The following BAZ1B variants were observed in gnomAD, a reference collection of about 807,000 sequenced individuals.
BAZ1B encodes tyrosine-protein kinase BAZ1B.
BAZ1B carries 22 observed loss-of-function variants against 153.8 expected under a neutral mutation model. That is an observed-to-expected ratio of 0.14 (90% CI 0.10 to 0.20). The LOEUF (loss-of-function observed/expected upper bound fraction) is 0.20, where lower values mean the gene tolerates loss of function less well. BAZ1B is among the 10% of genes least tolerant of loss of function. The pLI, the probability that BAZ1B is intolerant of heterozygous loss-of-function variation, is 1.00. For missense variants in BAZ1B, 1,325 were observed against 1,799.3 expected (o/e 0.74, Z 4.77); for synonymous variants, 676 against 633.4 (o/e 1.07, Z -1.01).
chr7:73,495,653 CAAGA>C (rs2116400999), intron 4 of BAZ1B, among the ~76,000 whole-genome samples: 1 of 152,138 alleles, frequency 6.6e-6, no homozygotes, highest in South Asian at 2.1e-4. Flanking sequence ...ACAATGGACA[CAAGA>C]AAGAAAATGT....
intron 9 of BAZ1B, among the ~76,000 whole-genome samples, chr7:73,468,835 G>A (rs1788690052): frequency 6.6e-6 from 1 of 152,100 alleles, no homozygotes; most frequent in South Asian, 2.1e-4. Context: ...AATTTTAAAA[G>A]TAGAAGAAGA....
At chr7:73,491,986 CTT>C (rs782649883) in intron 5 of BAZ1B, among the ~76,000 whole-genome samples, 25 of 117,224 alleles carry the variant, frequency 2.1e-4, no homozygotes, top group Middle Eastern at 5.0e-3. Context: ...CAGCAAAACG[CTT>C]TTTTTTTTTT....
intron 7 of BAZ1B, among the ~76,000 whole-genome samples, chr7:73,476,410 T>C (rs1789002323): frequency 6.6e-6 from 1 of 152,240 alleles, no homozygotes. Context: ...GATTACTATC[T>C]GAGTTGGTGA....
At chr7:73,506,965 G>A (rs1222458575) in intron 3 of BAZ1B, among the ~76,000 whole-genome samples, 11 of 126,288 alleles carry the variant, frequency 8.7e-5, no homozygotes, top group South Asian at 3.0e-4. Context: ...TGCAACCTCC[G>A]CCTCCCAGAT....
Position 73,459,073 on chromosome 7 carries a change from C to A in BAZ1B, c.3432+463G>T, listed in dbSNP as rs943101071. Among the ~76,000 whole-genome samples the A allele has an allele frequency of 4.6e-5, 7 of 151,806 alleles. No individual in the cohort carries two copies. In the South Asian group the frequency reaches 1.0e-3, roughly 23 times the overall value. On this transcript the variant is annotated intron_variant, in intron 13 of 19. Coordinates refer to ENST00000339594, the MANE Select transcript of BAZ1B (RefSeq NM_032408.4). Reference sequence around the variant, plus strand: ...ACCACTCTGGCCAACATGGTGAAACCCCGTCTCTACTAAAAAATACAAAAA... The same window carrying A: ...ACCACTCTGGCCAACATGGTGAAACACCGTCTCTACTAAAAAATACAAAAA...
intron 1 of BAZ1B, among the ~76,000 whole-genome samples, chr7:73,519,770 T>A (rs1396846173): frequency 6.6e-6 from 1 of 151,936 alleles, no homozygotes. Context: ...ATGTTTCTTA[T>A]ACTCTGCTAG....
chr7:73,472,955 T>A (rs73134935), intron 7 of BAZ1B, among the ~76,000 whole-genome samples: 8,623 of 149,932 alleles, frequency 0.058, 277 homozygotes, highest in Non-Finnish European at 0.068. Context: ...TTTTTTTTTT[T>A]AAAAAAGACA....
chr7:73,521,756 G>C (rs1791057100), intron 1 of BAZ1B, 71 bp downstream of exon 1: 1 of 1,318,564 alleles, frequency 7.6e-7, no homozygotes, highest in Non-Finnish European at 1.0e-6. Flanking sequence ...GGCTGACCTG[G>C]TCTCGCGAGC....
intron 12 of BAZ1B, among the ~76,000 whole-genome samples, chr7:73,461,598 TC>T (rs1788399865): frequency 6.6e-6 from 1 of 151,940 alleles, no homozygotes; most frequent in South Asian, 2.1e-4. Context: ...TAAATCCTTT[TC>T]CCCAGGAAAT....
intron 1 of BAZ1B, among the ~76,000 whole-genome samples, chr7:73,512,276 A>G (rs1193603694): frequency 6.6e-6 from 1 of 151,862 alleles, no homozygotes; most frequent in Non-Finnish European, 1.5e-5. Context: ...AAGTTTCTTA[A>G]AACATTATGA....
At chr7:73,462,692 T>C in intron 12 of BAZ1B, 1 of 522,276 alleles carries the variant, frequency 1.9e-6, no homozygotes, top group Non-Finnish European at 3.4e-6. Flanking sequence ...GAAGCTCTTT[T>C]CATACCAAGG....
At chr7:73,485,384 G>C (rs1338562948) in intron 6 of BAZ1B, among the ~76,000 whole-genome samples, 1 of 152,082 alleles carries the variant, frequency 6.6e-6, no homozygotes, top group Non-Finnish European at 1.5e-5. Context: ...ACTTTGGGAG[G>C]CTGAGGCAGG....
chr7:73,458,433 T>C (rs1554569848), intron 13 of BAZ1B, among the ~76,000 whole-genome samples: 1 of 152,114 alleles, frequency 6.6e-6, no homozygotes, highest in Non-Finnish European at 1.5e-5. Context: ...CCTAGTACTT[T>C]GGGAGGCTGA....
Position 73,450,734 on chromosome 7 carries a change from T to C in BAZ1B, c.3580+113A>G, listed in dbSNP as rs2116239591. 3.1e-6 allele frequency: 4 copies of C among 1,283,894 alleles called. No individual in the cohort carries two copies. Among genetic ancestry groups the C allele is most frequent in the African/African-American group, 1.5e-5 (1 of 67,284 alleles). 79.5% of individuals were successfully genotyped at this position (1,283,894 alleles called of 1,614,324 possible). On this transcript the variant is annotated intron_variant, in intron 14 of 19. Transcript: ENST00000339594. This position sits in a 1 kb window ranked among gnomAD's most constrained non-coding sequence, Gnocchi z 4.1. ...CAGACCTGCAGGAGAGTAAAATCTA[T>C]ACCACACTTATATTCTGTGTACACA...
rs1365740339 is a variant in BAZ1B at position 73,477,940 on chromosome 7, A to G, written c.1521T>C (p.Ser507=). The change falls in exon 7 of 20, where the codon TCT becomes TCC. Residue 507 remains serine, a synonymous_variant. Transcript: ENST00000339594. The surrounding 1 kb of genome is among the most constrained non-coding windows in gnomAD (Gnocchi z 5.6). The stretch of plus-strand genomic sequence containing the variant: ...CTGGGAGACGAGCTCTATCTTCACT[A>G]GAGAGAAGACGAGCTGTTTTGGAGA... ...CVISKTARLL[S]SEDRARLPEE... is the part of the protein sequence containing the mutation. 1.2e-6 allele frequency: 2 copies of G among 1,614,184 alleles called. No individual in the cohort carries two copies. The highest frequency in any genetic ancestry group is 1.7e-6 in the Non-Finnish European group (2 of 1,180,034).
At chr7:73,455,004 C>T (rs553871135) in intron 13 of BAZ1B, among the ~76,000 whole-genome samples, 5 of 152,012 alleles carry the variant, frequency 3.3e-5, no homozygotes, top group East Asian at 1.9e-4. Flanking sequence ...TACAGGCTCG[C>T]GCCACCACAC....
chr7:73,512,011 A>G (rs1421650468), intron 1 of BAZ1B, among the ~76,000 whole-genome samples: 1 of 141,978 alleles, frequency 7.0e-6, no homozygotes, highest in African/African-American at 2.6e-5. Context: ...CTGGGTGATA[A>G]GAGCGAAACT....
intron 4 of BAZ1B, among the ~76,000 whole-genome samples, chr7:73,497,372 A>G (rs1789956188): frequency 6.6e-6 from 1 of 152,242 alleles, no homozygotes; most frequent in Admixed American, 6.5e-5. Flanking sequence ...GTAGTATAGT[A>G]CGTACTACAG....
At chr7:73,492,978 A>G (rs185037401) in intron 4 of BAZ1B, 57 bp from the exon 5 acceptor site, 290 of 1,523,038 alleles carry the variant, frequency 1.9e-4, no homozygotes, top group Non-Finnish European at 2.4e-4. Flanking sequence ...CTTTTCATTC[A>G]TTCATTAACA....
Sources: gnomAD v4.1 joint callset for allele counts (sites outside exome capture counted in the v4.1 genomes callset) on GRCh38, gnomAD v4.1.1 for gene constraint, Gnocchi (gnomAD v3.1) non-coding constraint, MANE v1.5 for transcripts, NCBI Gene and HGNC (gene_info 2026-07-23, HGNC 2026-07-21) for gene names.